PDE10A: variants seen among roughly 807,000 people sequenced by gnomAD.
PDE10A encodes cAMP and cAMP-inhibited cGMP 3',5'-cyclic phosphodiesterase 10A.
In PDE10A, 39 loss-of-function variants were observed where a neutral mutation model predicts 97.7. The observed-to-expected ratio is 0.40, with a 90% CI of 0.31 to 0.52. PDE10A has a LOEUF of 0.52. Among genes scored for constraint, PDE10A ranks in the 20% least tolerant of loss-of-function variants. The pLI, the probability that PDE10A is intolerant of heterozygous loss-of-function variation, is 0.56. For missense variants in PDE10A, 731 were observed against 1,047.8 expected, an observed-to-expected ratio of 0.70 and a Z score of 4.17; for synonymous variants, 371 against 376.8, an observed-to-expected ratio of 0.98 and a Z score of 0.18.
chr6:165,577,377 C>T (rs1254910776), intron 1 of PDE10A, among the ~76,000 whole-genome samples: 2 of 152,158 alleles, frequency 1.3e-5, no homozygotes, highest in African/African-American at 4.8e-5. Flanking sequence ...AGCCCATGCC[C>T]GGCTGGCATT....
At chr6:165,868,721 G>T (rs1781119891) in intron 1 of PDE10A, among the ~76,000 whole-genome samples, 4 of 151,946 alleles carry the variant, frequency 2.6e-5, no homozygotes, top group Admixed American at 2.6e-4. Flanking sequence ...AGAAAAGAAA[G>T]AAAACTACAG....
At chr6:165,339,621 T>A (rs541233104) in intron 19 of PDE10A, among the ~76,000 whole-genome samples, 1 of 152,250 alleles carries the variant, frequency 6.6e-6, no homozygotes, top group South Asian at 2.1e-4. Context: ...AGTAAATAAA[T>A]GTTATAATAA....
chr6:165,604,916 A>C (rs547892343), intron 1 of PDE10A, among the ~76,000 whole-genome samples: 1 of 152,380 alleles, frequency 6.6e-6, no homozygotes, highest in Admixed American at 6.5e-5. Flanking sequence ...ATTCCTACAC[A>C]GAAAACTTGA....
At chr6:165,521,220 TG>T (rs1253263189) in intron 2 of PDE10A, among the ~76,000 whole-genome samples, 6 of 152,182 alleles carry the variant, frequency 3.9e-5, no homozygotes, top group Admixed American at 1.3e-4. Flanking sequence ...ACATTGTGTG[TG>T]TTTTGACTCC....
intron 1 of PDE10A, among the ~76,000 whole-genome samples, chr6:165,935,171 ACT>A (rs1406969961): frequency 6.6e-6 from 1 of 152,130 alleles, no homozygotes; most frequent in East Asian, 1.9e-4. Flanking sequence ...GGCACAACAG[ACT>A]CTATCAGCAA....
At chr6:165,587,519 T>C (rs1020577508) in intron 1 of PDE10A, among the ~76,000 whole-genome samples, 1 of 152,210 alleles carries the variant, frequency 6.6e-6, no homozygotes, top group Non-Finnish European at 1.5e-5. Context: ...TTTAATTCAT[T>C]GTTTCATCTT....
chr6:165,705,355 C>T lies in PDE10A; in HGVS notation c.-614-161787G>A, dbSNP rs140111015. 1.8e-3 allele frequency among the ~76,000 whole-genome samples: 274 copies of T among 152,356 alleles called. 1 individual carries two copies. The highest frequency in any genetic ancestry group is 6.2e-3 in the African/African-American group (257 of 41,582). ...CTGCCTACAAATGCCACCCAGATGC[C>T]AGGGTCCCACTGGTGACTTCTGAGA... On this transcript the variant is annotated intron_variant, in intron 1 of 19. Transcript: ENST00000366882.
chr6:165,604,100 A>G (rs1787095327), intron 1 of PDE10A, among the ~76,000 whole-genome samples: 1 of 152,226 alleles, frequency 6.6e-6, no homozygotes, highest in South Asian at 2.1e-4. Flanking sequence ...CACCAAGTCT[A>G]AAAATTAGGT....
intron 11 of PDE10A, among the ~76,000 whole-genome samples, 193 bp from the exon 12 acceptor site, chr6:165,416,474 A>G (rs189099147): frequency 6.6e-6 from 1 of 152,352 alleles, no homozygotes; most frequent in East Asian, 1.9e-4. Flanking sequence ...TTACACAGTA[A>G]TCACCTGAGA....
intron 1 of PDE10A, among the ~76,000 whole-genome samples, chr6:165,707,771 G>A (rs529604522): frequency 6.6e-6 from 1 of 152,218 alleles, no homozygotes; most frequent in South Asian, 2.1e-4. Context: ...GAAAGTGTAT[G>A]TGTGTGTGAG....
At chr6:165,690,918 G>A (rs1791253188) in intron 1 of PDE10A, among the ~76,000 whole-genome samples, 1 of 152,192 alleles carries the variant, frequency 6.6e-6, no homozygotes, top group Middle Eastern at 3.4e-3. Context: ...ATCCCTGGTG[G>A]GGGCCACTGC....
intron 5 of PDE10A, 49 bp from the exon 6 acceptor site, chr6:165,435,426 GT>G: frequency 6.6e-7 from 1 of 1,514,566 alleles, no homozygotes; most frequent in Non-Finnish European, 9.0e-7. Context: ...CATGTGCATA[GT>G]ACAAAAAGAC....
At chr6:165,933,049 C>A (rs952622514) in intron 1 of PDE10A, among the ~76,000 whole-genome samples, 1 of 152,188 alleles carries the variant, frequency 6.6e-6, no homozygotes, top group South Asian at 2.1e-4. Flanking sequence ...AGATGACAAA[C>A]CCCTCCCCAG....
intron 1 of PDE10A, among the ~76,000 whole-genome samples, chr6:165,562,632 G>A (rs976546648): frequency 2.6e-5 from 4 of 152,070 alleles, no homozygotes; most frequent in African/African-American, 7.2e-5. Flanking sequence ...AAGTTTCCGT[G>A]ACACTGCACT....
intron 2 of PDE10A, among the ~76,000 whole-genome samples, chr6:165,497,297 G>C (rs1483849207): frequency 2.0e-5 from 3 of 152,238 alleles, no homozygotes; most frequent in South Asian, 2.1e-4. Context: ...CCATCAGTGA[G>C]AGTAACACGA....
At position 165,954,323 on chromosome 6, in the gene PDE10A, T is replaced by G. The variant is rs909048134; in HGVS notation, c.-615+33206A>C. Reference sequence around the variant, plus strand: ...TACCACTCTTGTGACGTACTGATATTGCTAAGATTAAGTTGTCAGACCTGA... The same window carrying G: ...TACCACTCTTGTGACGTACTGATATGGCTAAGATTAAGTTGTCAGACCTGA... On this transcript the variant is annotated intron_variant, in intron 1 of 19. Transcript: ENST00000366882. 5.9e-5 allele frequency among the ~76,000 whole-genome samples: 9 copies of G among 152,346 alleles called. No individual in the cohort carries two copies. The South Asian group carries it at 6.2e-4, about 11-fold the overall frequency.
At chr6:165,658,052 T>A (rs1790054224) in intron 1 of PDE10A, among the ~76,000 whole-genome samples, 1 of 152,208 alleles carries the variant, frequency 6.6e-6, no homozygotes, top group Non-Finnish European at 1.5e-5. Flanking sequence ...GTTGGCTGAT[T>A]TAGACCCATT....
intron 1 of PDE10A, among the ~76,000 whole-genome samples, chr6:165,597,581 C>A (rs114550418): frequency 2.6e-5 from 4 of 152,154 alleles, no homozygotes; most frequent in Admixed American, 1.3e-4. Flanking sequence ...GAAGGAAACA[C>A]TCCCTCAAAT....
intron 1 of PDE10A, among the ~76,000 whole-genome samples, chr6:165,851,906 C>A (rs1174600507): frequency 6.6e-6 from 1 of 152,042 alleles, no homozygotes; most frequent in Non-Finnish European, 1.5e-5. Flanking sequence ...ACTTGGGCAA[C>A]ATGCTGAAAC....
Sources: gnomAD v4.1 joint callset for allele counts (sites outside exome capture counted in the v4.1 genomes callset) on GRCh38, gnomAD v4.1.1 for gene constraint, MANE v1.5 for transcripts, NCBI Gene and HGNC (gene_info 2026-07-23, HGNC 2026-07-21) for gene names.